NINL: variants seen among roughly 807,000 people sequenced by gnomAD.
NINL encodes the protein ninein like.
Under a neutral mutation model 160.3 loss-of-function variants are expected in NINL, and 153 were observed. The ratio of observed to expected loss-of-function variants is 0.95; its 90% CI spans 0.84 to 1.09. NINL has a LOEUF of 1.09. Ranked by LOEUF, NINL falls within the 50% of genes least tolerant of loss-of-function variation. The pLI, the probability that NINL is intolerant of heterozygous loss-of-function variation, is 0.00. For synonymous variants in NINL, 800 were observed against 734.8 expected (o/e 1.09, Z -1.43); for missense variants, 1,829 against 1,764.0 (o/e 1.04, Z -0.66).
chr20:25,529,702 T>C (rs1349305716), intron 1 of NINL, among the ~76,000 whole-genome samples: 1 of 152,022 alleles, frequency 6.6e-6, no homozygotes, highest in Admixed American at 6.6e-5. Context: ...TAGCTGGGCG[T>C]GGTGGTGCAT....
At chr20:25,527,041 T>TA (rs1226686046) in intron 1 of NINL, among the ~76,000 whole-genome samples, 1 of 152,100 alleles carries the variant, frequency 6.6e-6, no homozygotes, top group Non-Finnish European at 1.5e-5. Context: ...AAAAGGAAAC[T>TA]ATTCTAGAAT....
chr20:25,507,561 G>T (rs1392100256), intron 5 of NINL, among the ~76,000 whole-genome samples: 1 of 152,182 alleles, frequency 6.6e-6, no homozygotes, highest in Non-Finnish European at 1.5e-5. Context: ...CCAGAGCAGG[G>T]ACATGGCTGC....
chr20:25,546,374 T>C (rs1041604802), intron 1 of NINL, among the ~76,000 whole-genome samples: 1 of 152,202 alleles, frequency 6.6e-6, no homozygotes, highest in Non-Finnish European at 1.5e-5. Context: ...CTTACCTGCC[T>C]GTGCCCCTCA....
At chr20:25,553,887 G>A (rs1451317801) in intron 1 of NINL, among the ~76,000 whole-genome samples, 1 of 152,240 alleles carries the variant, frequency 6.6e-6, no homozygotes, top group African/African-American at 2.4e-5. Flanking sequence ...GGGAGACAGA[G>A]CAGAACACCA....
At chr20:25,525,808 TG>T (rs202099922) in intron 2 of NINL, among the ~76,000 whole-genome samples, 1 of 152,214 alleles carries the variant, frequency 6.6e-6, no homozygotes, top group East Asian at 1.9e-4. Flanking sequence ...GTTTTGATCA[TG>T]AAAGCAGGTT....
chr20:25,468,658 A>C (rs1601024707), intron 18 of NINL, among the ~76,000 whole-genome samples: 1 of 100,862 alleles, frequency 9.9e-6, no homozygotes, highest in Non-Finnish European at 1.9e-5. Flanking sequence ...CCCAATTCTC[A>C]CTGGTGGGTG....
intron 1 of NINL, among the ~76,000 whole-genome samples, chr20:25,570,424 G>A (rs1443576744): frequency 1.4e-4 from 22 of 152,042 alleles, no homozygotes; most frequent in Admixed American, 1.1e-3. Context: ...GCACCTCCTC[G>A]CTTGCTCTCT....
At chr20:25,518,469 A>AT (rs1372117132) in intron 2 of NINL, among the ~76,000 whole-genome samples, 5 of 152,134 alleles carry the variant, frequency 3.3e-5, no homozygotes, top group Admixed American at 2.6e-4. Flanking sequence ...CTTAAGGTCC[A>AT]TTTTCTCTTT....
chr20:25,572,362 T>C lies in NINL; in HGVS notation c.-12+13093A>G, dbSNP rs185751552. On this transcript the variant is annotated intron_variant, in intron 1 of 23. Transcript: ENST00000278886. Reference sequence around the variant, plus strand: ...CAGTGCTGGGGCCCACTCTCTGAGCTGTCAGAGCCACTGGAGAGGTGTCTC... The same window carrying C: ...CAGTGCTGGGGCCCACTCTCTGAGCCGTCAGAGCCACTGGAGAGGTGTCTC... 5.2e-3 allele frequency among the ~76,000 whole-genome samples: 798 copies of C among 152,260 alleles called. 7 individuals carry two copies. The highest frequency in any genetic ancestry group is 0.017 in the African/African-American group (724 of 41,540).
chr20:25,561,074 CCT>C (rs1178004531), intron 1 of NINL, among the ~76,000 whole-genome samples: 6 of 149,062 alleles, frequency 4.0e-5, no homozygotes, highest in Admixed American at 4.0e-4. Context: ...CCACGGTCTC[CCT>C]CTCATGCCGA....
In NINL at chr20:25,455,925, T is replaced by G; in HGVS notation, c.3844-139A>C. 5 of 662,548 alleles carry G rather than the reference T, an allele frequency of 7.5e-6. No individual in the cohort carries two copies. In the South Asian group the frequency reaches 8.4e-5, roughly 11 times the overall value. The allele number at this position is 662,548 out of a possible 1,614,324, so 41.0% of individuals were successfully genotyped here. A position where few individuals can be genotyped will look rare whatever the true frequency, so the allele number is the denominator to read the frequency against. ...CTGGCCAACATGGTGAAACCCCATCTCTACTAAAAAAAATAGAAAAATTAG... is the reference window on the plus strand; with the variant it reads ...CTGGCCAACATGGTGAAACCCCATCGCTACTAAAAAAAATAGAAAAATTAG... On this transcript the variant is annotated intron_variant, in intron 22 of 23. Coordinates refer to ENST00000278886, the MANE Select transcript of NINL (RefSeq NM_025176.6).
At chr20:25,567,001 C>G (rs748238329) in intron 1 of NINL, among the ~76,000 whole-genome samples, 2 of 151,752 alleles carry the variant, frequency 1.3e-5, no homozygotes, top group Non-Finnish European at 2.9e-5. Context: ...TAAAAATTAG[C>G]CAGGCATGGT....
chr20:25,462,733 C>T (rs2062822961), intron 19 of NINL, 192 bp from the exon 20 acceptor site: 1 of 513,220 alleles, frequency 1.9e-6, no homozygotes, highest in East Asian at 3.8e-5. Flanking sequence ...TGGTTCACTG[C>T]AGCCGTGACC....
intron 17 of NINL, among the ~76,000 whole-genome samples, chr20:25,472,594 A>G (rs1214190335): frequency 6.7e-6 from 1 of 149,666 alleles, no homozygotes; most frequent in African/African-American, 2.5e-5. Context: ...CAGTGGTGCA[A>G]TCTCAGCTCA....
intron 11 of NINL, 99 bp downstream of exon 11, chr20:25,491,252 C>G (rs2063625385): frequency 1.4e-6 from 2 of 1,395,902 alleles, no homozygotes; most frequent in East Asian, 4.7e-5. Flanking sequence ...CTTGAGGGCA[C>G]TGGCAGGTGT....
intron 19 of NINL, 73 bp from the exon 20 acceptor site, chr20:25,462,614 T>G: frequency 7.8e-7 from 1 of 1,286,104 alleles, no homozygotes; most frequent in Non-Finnish European, 1.1e-6. Context: ...CATTTGCCCA[T>G]CATTGGCTAT....
intron 5 of NINL, among the ~76,000 whole-genome samples, chr20:25,508,332 C>T (rs1048645024): frequency 1.3e-5 from 2 of 152,222 alleles, no homozygotes; most frequent in African/African-American, 4.8e-5. Flanking sequence ...TGTGGGGAGG[C>T]CTCATTAGGG....
At chr20:25,461,013 T>C (rs1430379114) in intron 21 of NINL, among the ~76,000 whole-genome samples, 1 of 152,146 alleles carries the variant, frequency 6.6e-6, no homozygotes, top group Non-Finnish European at 1.5e-5. Context: ...CCTGCTCGGC[T>C]GCCCCTGCAC....
intron 1 of NINL, 29 bp from the exon 2 acceptor site, chr20:25,526,627 A>C: frequency 6.3e-7 from 1 of 1,593,746 alleles, no homozygotes; most frequent in South Asian, 1.1e-5. Context: ...AGAAGAAAAC[A>C]TCAGGACACT....
Sources: gnomAD v4.1 joint callset for allele counts (sites outside exome capture counted in the v4.1 genomes callset) on GRCh38, gnomAD v4.1.1 for gene constraint, MANE v1.5 for transcripts, NCBI Gene and HGNC (gene_info 2026-07-23, HGNC 2026-07-21) for gene names.